Variants in LUZP2 observed in about 807,000 individuals in gnomAD.
The protein encoded by LUZP2 is leucine zipper protein 2.
LUZP2 carries 52 observed loss-of-function variants against 51.6 expected under a neutral mutation model. The observed-to-expected ratio is 1.01, with a 90% CI of 0.81 to 1.27. LUZP2 has a LOEUF of 1.27. Among genes scored for constraint, LUZP2 ranks in the 50% most tolerant of loss-of-function variants. The pLI, the probability that LUZP2 is intolerant of heterozygous loss-of-function variation, is 0.00. For synonymous variants in LUZP2, 154 were observed against 137.3 expected, an observed-to-expected ratio of 1.12 and a Z score of -0.85; for missense variants, 436 against 395.4, an observed-to-expected ratio of 1.10 and a Z score of -0.87.
chr11:24,838,251 A>G (rs1347302915), intron 5 of LUZP2, among the ~76,000 whole-genome samples: 1 of 151,706 alleles, frequency 6.6e-6, no homozygotes, highest in African/African-American at 2.4e-5. Flanking sequence ...ATTAATAGTC[A>G]TAGCAATAAT....
At position 24,602,234 on chromosome 11, in the gene LUZP2, GTGTATATATGTA is replaced by G. The variant is rs1168417630; in HGVS notation, c.62+104931_62+104942del. Among the ~76,000 whole-genome samples, 12 of 14,928 alleles carry G rather than the reference GTGTATATATGTA, an allele frequency of 8.0e-4. 1 individual carries two copies. The highest frequency in any genetic ancestry group is 0.2 in the Middle Eastern group (2 of 10). The allele number at this position is 14,928 out of a possible 152,430, so 9.8% of individuals were successfully genotyped here. A position where few individuals can be genotyped will look rare whatever the true frequency, so the allele number is the denominator to read the frequency against. ...TATATATGTATATATGTACATATAT[GTGTATATATGTA>G]TATATATGCAAACATATATGTACAT... On this transcript the variant is annotated intron_variant, in intron 1 of 11. Coordinates refer to ENST00000336930, the MANE Select transcript of LUZP2 (RefSeq NM_001009909.4).
chr11:24,840,205 C>A (rs1269634443), intron 5 of LUZP2, among the ~76,000 whole-genome samples: 88 of 151,712 alleles, frequency 5.8e-4, no homozygotes, highest in Non-Finnish European at 1.2e-4. Flanking sequence ...CTTTCTTATT[C>A]TCCTCAACCC....
At chr11:25,035,876 T>G (rs1301681833) in intron 9 of LUZP2, among the ~76,000 whole-genome samples, 1 of 152,120 alleles carries the variant, frequency 6.6e-6, no homozygotes, top group African/African-American at 2.4e-5. Context: ...TGCTAATATT[T>G]TGTTGAGTCT....
chr11:24,658,135 G>T (rs952641136), intron 1 of LUZP2, among the ~76,000 whole-genome samples: 2 of 152,090 alleles, frequency 1.3e-5, no homozygotes, highest in Non-Finnish European at 2.9e-5. Flanking sequence ...TAAGCCAAAA[G>T]AACAAAGCTG....
chr11:24,763,738 T>G (rs1860073620), intron 5 of LUZP2, among the ~76,000 whole-genome samples: 1 of 152,224 alleles, frequency 6.6e-6, no homozygotes, highest in Non-Finnish European at 1.5e-5. Context: ...ATAAACAAGT[T>G]GTAATCATTT....
intron 10 of LUZP2, among the ~76,000 whole-genome samples, chr11:25,068,851 T>G (rs937135462): frequency 6.6e-6 from 1 of 151,986 alleles, no homozygotes; most frequent in Admixed American, 6.6e-5. Flanking sequence ...ACTGCTACCT[T>G]TGATGCATCC....
intron 5 of LUZP2, among the ~76,000 whole-genome samples, chr11:24,780,938 C>CA (rs1849072598): frequency 6.6e-6 from 1 of 152,142 alleles, no homozygotes; most frequent in Admixed American, 6.6e-5. Flanking sequence ...TCAGCATCCT[C>CA]ATTCACAGTT....
intron 5 of LUZP2, among the ~76,000 whole-genome samples, chr11:24,828,110 A>C (rs1366759873): frequency 6.6e-6 from 1 of 152,134 alleles, no homozygotes; most frequent in Non-Finnish European, 1.5e-5. Flanking sequence ...AAACTATAGA[A>C]AAAACAATGA....
At chr11:24,546,960 T>TGG (rs1851567044) in intron 1 of LUZP2, among the ~76,000 whole-genome samples, 2 of 61,950 alleles carry the variant, frequency 3.2e-5, no homozygotes, top group African/African-American at 1.7e-4. Flanking sequence ...GTTGTTGTTG[T>TGG]TGTTGGTGGT....
intron 7 of LUZP2, among the ~76,000 whole-genome samples, chr11:24,969,015 T>A (rs1452907114): frequency 2.0e-5 from 3 of 152,190 alleles, no homozygotes; most frequent in Non-Finnish European, 4.4e-5. Context: ...TTTTAAGTTA[T>A]ATTTTAGGTT....
intron 7 of LUZP2, among the ~76,000 whole-genome samples, chr11:24,970,086 A>T (rs928267865): frequency 6.6e-6 from 1 of 151,382 alleles, no homozygotes; most frequent in Non-Finnish European, 1.5e-5. Context: ...TACTTGGAAA[A>T]CTCCTGCATC....
chr11:24,994,927 A>G lies in LUZP2; in HGVS notation c.765+11634A>G, dbSNP rs116449026. 2.9e-3 allele frequency among the ~76,000 whole-genome samples: 441 copies of G among 152,266 alleles called. 3 individuals are homozygous for G. Among genetic ancestry groups the G allele is most frequent in the African/African-American group, 1.0e-2 (414 of 41,542 alleles). On this transcript the variant is annotated intron_variant, in intron 9 of 11. Transcript: ENST00000336930. Reference sequence around the variant, plus strand: ...CTAGGTGTCATTCTAGGATTTCCCAATAAGCACCTTTGACTTAGCACAATC... The same window carrying G: ...CTAGGTGTCATTCTAGGATTTCCCAGTAAGCACCTTTGACTTAGCACAATC...
intron 10 of LUZP2, among the ~76,000 whole-genome samples, chr11:25,071,260 A>G (rs1229145756): frequency 6.6e-6 from 1 of 152,064 alleles, no homozygotes; most frequent in Non-Finnish European, 1.5e-5. Flanking sequence ...ATATATTTAT[A>G]TGTCTATTTT....
chr11:24,513,426 T>C (rs969952952), intron 1 of LUZP2, among the ~76,000 whole-genome samples: 4 of 152,184 alleles, frequency 2.6e-5, no homozygotes, highest in Non-Finnish European at 4.4e-5. Context: ...GAGAACGATA[T>C]AGATGAGCTT....
chr11:24,674,288 G>C (rs1419034199), intron 1 of LUZP2, among the ~76,000 whole-genome samples: 2 of 152,090 alleles, frequency 1.3e-5, no homozygotes, highest in Admixed American at 1.3e-4. Flanking sequence ...CCACTTTCAG[G>C]AGACAGCCTG....
At chr11:24,882,691 T>C (rs569524046) in intron 5 of LUZP2, among the ~76,000 whole-genome samples, 43 of 152,102 alleles carry the variant, frequency 2.8e-4, no homozygotes, top group African/African-American at 9.9e-4. Context: ...CCCTTTCATA[T>C]GGGCTTCTTT....
intron 3 of LUZP2, among the ~76,000 whole-genome samples, chr11:24,736,912 G>A (rs376135844): frequency 5.3e-5 from 8 of 151,948 alleles, no homozygotes; most frequent in African/African-American, 1.9e-4. Context: ...TCTATAACTT[G>A]TTCTCACTAT....
At chr11:24,861,830 G>C (rs1374756340) in intron 5 of LUZP2, among the ~76,000 whole-genome samples, 2 of 152,182 alleles carry the variant, frequency 1.3e-5, no homozygotes, top group Admixed American at 6.5e-5. Context: ...ACCCCTGTTG[G>C]AGTTTCTCAC....
chr11:24,536,789 T>A (rs947328644), intron 1 of LUZP2, among the ~76,000 whole-genome samples: 2 of 151,930 alleles, frequency 1.3e-5, no homozygotes, highest in African/African-American at 4.8e-5. Context: ...GCTATCTCTT[T>A]GACACAAGAA....
Sources: gnomAD v4.1 joint callset for allele counts (sites outside exome capture counted in the v4.1 genomes callset) on GRCh38, gnomAD v4.1.1 for gene constraint, MANE v1.5 for transcripts, NCBI Gene and HGNC (gene_info 2026-07-23, HGNC 2026-07-21) for gene names.